ABCC5: variants seen among roughly 807,000 people sequenced by gnomAD.
ABCC5 encodes the protein ATP binding cassette subfamily C member 5, also known as ATP-binding cassette sub-family C member 5.
In ABCC5, 61 loss-of-function variants were observed where a neutral mutation model predicts 160.9. The ratio of observed to expected loss-of-function variants is 0.38; its 90% CI spans 0.31 to 0.47. ABCC5 has a LOEUF of 0.47. ABCC5 is among the 20% of genes least tolerant of loss of function. ABCC5 has a pLI of 0.99. For synonymous variants in ABCC5, 666 were observed against 700.6 expected, an observed-to-expected ratio of 0.95 and a Z score of 0.78; for missense variants, 1,308 against 1,813.3, an observed-to-expected ratio of 0.72 and a Z score of 5.06.
chr3:183,925,819 A>G (rs1291841581), intron 28 of ABCC5, 100 bp from the exon 29 acceptor site: 3 of 1,137,800 alleles, frequency 2.6e-6, no homozygotes, highest in Non-Finnish European at 3.6e-6. Flanking sequence ...GTTTTACACT[A>G]TCTATTGTTT....
At chr3:183,973,678 A>G (rs1717968205) in intron 10 of ABCC5, among the ~76,000 whole-genome samples, 1 of 152,014 alleles carries the variant, frequency 6.6e-6, no homozygotes, top group Non-Finnish European at 1.5e-5. Flanking sequence ...CATGATTCTA[A>G]ACTTCTGAGA....
intron 15 of ABCC5, among the ~76,000 whole-genome samples, chr3:183,962,863 CAT>C (rs1378836934): frequency 6.6e-6 from 1 of 152,158 alleles, no homozygotes; most frequent in Non-Finnish European, 1.5e-5. Context: ...GATGGAGCCA[CAT>C]GAGCCCTGCA....
chr3:183,984,797 C>A (rs765839972), intron 5 of ABCC5: 2 of 1,571,954 alleles, frequency 1.3e-6, no homozygotes, highest in Admixed American at 1.8e-5. Flanking sequence ...AGGGCCAAAG[C>A]CCCCTTTTCC....
intron 15 of ABCC5, 30 bp from the exon 16 acceptor site, chr3:183,961,684 T>C (rs199655285): frequency 3.8e-5 from 61 of 1,612,974 alleles, no homozygotes; most frequent in Middle Eastern, 3.3e-4. Context: ...CAACACAATA[T>C]GCTGTTTGTG....
At chr3:184,004,203 A>G (rs538453341) in intron 2 of ABCC5, among the ~76,000 whole-genome samples, 74 of 137,572 alleles carry the variant, frequency 5.4e-4, no homozygotes, top group African/African-American at 1.3e-3. Flanking sequence ...CAAGATTTTC[A>G]GGCTTTAGCT....
intron 11 of ABCC5, among the ~76,000 whole-genome samples, chr3:183,968,337 TGGCCTCAAGTGATCCACCCACCTC>T (rs909688584): frequency 6.6e-6 from 1 of 152,118 alleles, no homozygotes; most frequent in African/African-American, 2.4e-5. Flanking sequence ...CTCAAACTCC[TGGCCTCAAGTGATCCACCCACCTC>T]GGCCTCCCAA....
intron 26 of ABCC5, among the ~76,000 whole-genome samples, chr3:183,934,881 T>C (rs898363433): frequency 6.6e-6 from 1 of 152,096 alleles, no homozygotes; most frequent in African/African-American, 2.4e-5. Flanking sequence ...TGAAATGCTA[T>C]AAAATTGTTA....
intron 17 of ABCC5, among the ~76,000 whole-genome samples, chr3:183,958,326 T>C (rs895331394): frequency 6.6e-6 from 1 of 152,190 alleles, no homozygotes; most frequent in African/African-American, 2.4e-5. Flanking sequence ...TTTACACAAA[T>C]AATGTTTACA....
At chr3:183,944,289 C>T (rs754715572) in intron 24 of ABCC5, among the ~76,000 whole-genome samples, 22 of 151,764 alleles carry the variant, frequency 1.4e-4, no homozygotes, top group Non-Finnish European at 2.8e-4. Flanking sequence ...AGTTACTTGG[C>T]GGGGCTGAGG....
intron 10 of ABCC5, among the ~76,000 whole-genome samples, chr3:183,974,228 A>C (rs1718019118): frequency 6.6e-6 from 1 of 152,242 alleles, no homozygotes; most frequent in Non-Finnish European, 1.5e-5. Context: ...AATCAGAATG[A>C]ATCTGTTGAG....
chr3:183,925,521 C>T lies in ABCC5; in HGVS notation c.4212+34G>A, dbSNP rs745999478. ...TGCCAGGGGCCAGTTTCCTCCCAGA[C>T]ATGCCAAGCCAAAGTTCCTGAAGGA... On this transcript the variant is annotated intron_variant, in intron 29 of 29. Coordinates refer to ENST00000334444, the MANE Select transcript of ABCC5 (RefSeq NM_005688.4). 9 of 1,607,646 alleles carry T rather than the reference C, an allele frequency of 5.6e-6. No individual in the cohort carries two copies. The African/African-American group carries it at 1.1e-4, about 19-fold the overall frequency.
intron 2 of ABCC5, among the ~76,000 whole-genome samples, chr3:183,996,418 T>C (rs898068096): frequency 2.0e-5 from 3 of 152,250 alleles, no homozygotes; most frequent in Admixed American, 2.0e-4. Flanking sequence ...TAAATGGACT[T>C]AATATTTTTA....
Position 183,951,019 on chromosome 3 carries a change from A to G in ABCC5, c.2944+422T>C, listed in dbSNP as rs1371528761. 6.6e-6 allele frequency among the ~76,000 whole-genome samples: 1 copy of G among 152,218 alleles called. No individual in the cohort carries two copies. The highest frequency in any genetic ancestry group is 1.5e-5 in the Non-Finnish European group (1 of 68,036). On this transcript the variant is annotated intron_variant, in intron 20 of 29. Transcript: ENST00000334444. This position sits in a 1 kb window ranked among gnomAD's most constrained non-coding sequence, Gnocchi z 4.7. ...TGCTGCGGGGATTAAGGTAACATGC[A>G]TAAAACACTGAGCATGCTGCTTGCT...
intron 2 of ABCC5, among the ~76,000 whole-genome samples, chr3:184,007,727 T>A (rs1409689185): frequency 6.6e-6 from 1 of 152,110 alleles, no homozygotes; most frequent in Non-Finnish European, 1.5e-5. Context: ...CTTGGGAGAC[T>A]GAGAGAGGAG....
chr3:184,005,407 T>A (rs1256273127), intron 2 of ABCC5, among the ~76,000 whole-genome samples: 1 of 152,080 alleles, frequency 6.6e-6, no homozygotes, highest in African/African-American at 2.4e-5. Context: ...AACATCTAAT[T>A]ATCTAAATAG....
intron 10 of ABCC5, among the ~76,000 whole-genome samples, chr3:183,976,268 A>C (rs191128672): frequency 5.3e-5 from 8 of 152,008 alleles, no homozygotes; most frequent in African/African-American, 1.9e-4. Flanking sequence ...AAAAAACAAA[A>C]ACACAGATAA....
rs1712491354 is a variant in ABCC5 at position 183,925,843 on chromosome 3, T to C, written c.4048-124A>G. On this transcript the variant is annotated intron_variant, in intron 28 of 29. Transcript: ENST00000334444. ...TATCTATTGTTTTCTTTTCTTTCTT[T>C]TTTTTTTTTTTTTGAGACGGAGTCT... 3 of 822,010 alleles carry C rather than the reference T, an allele frequency of 3.6e-6. No homozygotes were observed. The East Asian group carries it at 1.2e-4, about 32-fold the overall frequency. The allele number at this position is 822,010 out of a possible 1,614,324, so 50.9% of individuals were successfully genotyped here.
At chr3:184,016,569 A>C (rs1483390223) in intron 1 of ABCC5, among the ~76,000 whole-genome samples, 1 of 152,304 alleles carries the variant, frequency 6.6e-6, no homozygotes, top group East Asian at 1.9e-4. Flanking sequence ...GATACTATTT[A>C]TATTTCCCTA....
intron 26 of ABCC5, among the ~76,000 whole-genome samples, chr3:183,934,250 G>T (rs1713469589): frequency 6.6e-6 from 1 of 152,318 alleles, no homozygotes; most frequent in East Asian, 1.9e-4. Context: ...AGGTTGCAGT[G>T]AGCTGAAACT....
Sources: gnomAD v4.1 joint callset for allele counts (sites outside exome capture counted in the v4.1 genomes callset) on GRCh38, gnomAD v4.1.1 for gene constraint, Gnocchi (gnomAD v3.1) non-coding constraint, MANE v1.5 for transcripts, NCBI Gene and HGNC (gene_info 2026-07-23, HGNC 2026-07-21) for gene names.